STS: variants seen among roughly 807,000 people sequenced by gnomAD.
STS encodes the protein steroid sulfatase, also known as steryl-sulfatase.
Under a neutral mutation model 26.8 loss-of-function variants are expected in STS, and 7 were observed. The observed-to-expected ratio is 0.26, with a 90% CI of 0.15 to 0.49. The LOEUF (loss-of-function observed/expected upper bound fraction) is 0.49, where lower values mean the gene tolerates loss of function less well. Among genes scored for constraint, STS ranks in the 20% least tolerant of loss-of-function variants. The pLI is 0.98. For synonymous variants in STS, 199 were observed against 189.4 expected, an observed-to-expected ratio of 1.05 and a Z score of -0.42; for missense variants, 434 against 465.6, an observed-to-expected ratio of 0.93 and a Z score of 0.63.
intron 9 of STS, among the ~76,000 whole-genome samples, chrX:7,328,506 CCT>C (rs764415770): frequency 6.4e-4 from 71 of 110,255 alleles, no homozygotes; most frequent in Non-Finnish European, 1.3e-4. Flanking sequence ...TGAAGATTCC[CCT>C]CTGTTTCTGA....
chrX:7,309,615 G>A (rs189459069), intron 8 of STS, among the ~76,000 whole-genome samples: 1 of 110,438 alleles, frequency 9.1e-6, no homozygotes, highest in African/African-American at 3.3e-5. Flanking sequence ...AAAATCTATG[G>A]GCTAAATTTG....
At chrX:7,314,660 A>G (rs190192746) in intron 8 of STS, among the ~76,000 whole-genome samples, 6 of 113,156 alleles carry the variant, frequency 5.3e-5, no homozygotes, top group African/African-American at 1.9e-4. Context: ...TAAATGTGGC[A>G]GAGCTTGCAC....
intron 7 of STS, among the ~76,000 whole-genome samples, chrX:7,292,404 T>C (rs1299483386): frequency 3.6e-5 from 4 of 112,414 alleles, no homozygotes; most frequent in African/African-American, 1.3e-4. Flanking sequence ...AGGGAGTCTT[T>C]GTACAGAACA....
At chrX:7,282,973 A>G (rs1345538946) in intron 7 of STS, among the ~76,000 whole-genome samples, 3 of 112,056 alleles carry the variant, frequency 2.7e-5, no homozygotes, top group African/African-American at 9.7e-5. Context: ...CTAATCCAGG[A>G]TAAGAGTTTA....
chrX:7,169,118 T>G (rs73627535), intron 1 of STS, among the ~76,000 whole-genome samples: 98 of 111,324 alleles, frequency 8.8e-4, no homozygotes, highest in African/African-American at 3.1e-3. Flanking sequence ...CCCTATACCC[T>G]TTAACAGCGA....
intron 2 of STS, among the ~76,000 whole-genome samples, chrX:7,236,030 TTAATA>T (rs1324504754): frequency 2.7e-5 from 3 of 112,379 alleles, no homozygotes; most frequent in African/African-American, 9.7e-5. Flanking sequence ...ATTATTTAAT[TTAATA>T]TAACTTTATA....
intron 6 of STS, among the ~76,000 whole-genome samples, chrX:7,268,824 C>T (rs1924132730): frequency 9.1e-6 from 1 of 109,928 alleles, no homozygotes; most frequent in Non-Finnish European, 1.9e-5. Flanking sequence ...CCAGCCTGGG[C>T]AATACAGCAA....
chrX:7,185,471 C>A (rs1933755438), intron 1 of STS, among the ~76,000 whole-genome samples: 1 of 112,777 alleles, frequency 8.9e-6, no homozygotes, highest in Non-Finnish European at 1.9e-5. Context: ...ACTTAGCTGA[C>A]CCCTGTTGCA....
At chrX:7,338,205 T>G (rs1928118343) in intron 10 of STS, among the ~76,000 whole-genome samples, 1 of 111,823 alleles carries the variant, frequency 8.9e-6, no homozygotes, top group Non-Finnish European at 1.9e-5. Context: ...TATGAATTAA[T>G]GTTATTAAAA....
intron 10 of STS, among the ~76,000 whole-genome samples, chrX:7,337,463 G>GT (rs1304622302): frequency 8.9e-6 from 1 of 112,259 alleles, no homozygotes; most frequent in African/African-American, 3.2e-5. Flanking sequence ...ACTAGTAATA[G>GT]TTGAGTGTGA....
chrX:7,260,479 C>T (rs1923688197), intron 6 of STS, among the ~76,000 whole-genome samples: 1 of 111,744 alleles, frequency 8.9e-6, no homozygotes. Context: ...GATCTTGGCT[C>T]ACTGCAACCT....
intron 2 of STS, among the ~76,000 whole-genome samples, chrX:7,200,200 A>AT (rs1268953835): frequency 9.0e-6 from 1 of 110,527 alleles, no homozygotes; most frequent in African/African-American, 3.3e-5. Context: ...TTTAAGTAAT[A>AT]TTTTTTGTTT....
chrX:7,338,683 C>G (rs1428021087), intron 10 of STS, among the ~76,000 whole-genome samples: 1 of 111,207 alleles, frequency 9.0e-6, no homozygotes, highest in African/African-American at 3.3e-5. Flanking sequence ...TTCCCAACAA[C>G]AAAAAATAAA....
At chrX:7,296,916 C>T (rs939953696) in intron 7 of STS, among the ~76,000 whole-genome samples, 46 of 111,931 alleles carry the variant, frequency 4.1e-4, no homozygotes, top group African/African-American at 1.5e-3. Flanking sequence ...AATTAATTAC[C>T]AGGGGACAAT....
intron 6 of STS, among the ~76,000 whole-genome samples, chrX:7,262,172 C>A (rs1182648015): frequency 2.7e-5 from 3 of 112,151 alleles, no homozygotes; most frequent in African/African-American, 9.7e-5. Flanking sequence ...CTGACAAAAT[C>A]TCAGTGGATT....
chrX:7,177,814 A>T (rs1220020788), intron 1 of STS, among the ~76,000 whole-genome samples: 3 of 110,312 alleles, frequency 2.7e-5, no homozygotes, highest in Non-Finnish European at 5.7e-5. Flanking sequence ...CCCAGCCTTA[A>T]ATATATATAT....
chrX:7,282,607 C>G (rs1924924805), intron 7 of STS, among the ~76,000 whole-genome samples: 1 of 112,489 alleles, frequency 8.9e-6, no homozygotes, highest in African/African-American at 3.2e-5. Flanking sequence ...TCTGCAGATG[C>G]AAATCTCCCC....
chrX:7,180,143 A>T (rs1236516715), intron 1 of STS, among the ~76,000 whole-genome samples: 2 of 111,541 alleles, frequency 1.8e-5, no homozygotes, highest in Admixed American at 9.6e-5. Flanking sequence ...TTTTGGAATG[A>T]TTCAAGTGCA....
intron 8 of STS, among the ~76,000 whole-genome samples, chrX:7,316,527 A>G (rs1926721688): frequency 8.9e-6 from 1 of 112,315 alleles, no homozygotes; most frequent in Admixed American, 9.5e-5. Context: ...CTCTTTAGAG[A>G]AAAAGTTTGC....
Sources: gnomAD v4.1 joint callset for allele counts (sites outside exome capture counted in the v4.1 genomes callset) on GRCh38, gnomAD v4.1.1 for gene constraint, MANE v1.5 for transcripts, NCBI Gene and HGNC (gene_info 2026-07-23, HGNC 2026-07-21) for gene names.